OTOP3: variants seen among roughly 807,000 people sequenced by gnomAD.
The protein encoded by OTOP3 is proton channel OTOP3.
In OTOP3, 41 loss-of-function variants were observed where a neutral mutation model predicts 50.8. The ratio of observed to expected loss-of-function variants is 0.81; its 90% confidence interval spans 0.63 to 1.05. The LOEUF is 1.05. OTOP3 is among the 50% of genes least tolerant of loss of function. The probability of loss-of-function intolerance (pLI) is 0.00; values close to 1 mark genes in which losing one functional copy is unlikely to be tolerated. For missense variants in OTOP3, 788 were observed against 760.8 expected (o/e 1.04, Z -0.42); for synonymous variants, 320 against 324.4 (o/e 0.99, Z 0.14).
chr17:74,941,137 C>T (rs1372935232), intron 1 of OTOP3, among the ~76,000 whole-genome samples: 1 of 152,188 alleles, frequency 6.6e-6, no homozygotes, highest in Non-Finnish European at 1.5e-5. Context: ...AGAGGGAGGA[C>T]ATGATCCTCA....
intron 6 of OTOP3, 116 bp from the exon 7 acceptor site, chr17:74,949,130 A>T: frequency 9.8e-7 from 1 of 1,016,796 alleles, no homozygotes; most frequent in Non-Finnish European, 1.5e-6. Context: ...AAGAAGACTG[A>T]GCGGGAGGTG....
rs1476396908 is a variant in OTOP3, at chr17:74,949,477, C to A, written c.*61C>A. 6.4e-7 allele frequency: 1 copy of A among 1,572,682 alleles called. No homozygotes were observed. The highest frequency in any genetic ancestry group is 8.6e-7 in the Non-Finnish European group (1 of 1,156,174). On this transcript the variant is annotated 3_prime_UTR_variant, in exon 7 of 7. Transcript: ENST00000328801. ...GGTGGGGAAGATGGTAGCCCAGAGTCTCTGAGCAGATGCCTCATTCTGAGG... is the reference window on the plus strand; with the variant it reads ...GGTGGGGAAGATGGTAGCCCAGAGTATCTGAGCAGATGCCTCATTCTGAGG...
chr17:74,944,388 C>T (rs1398574533), intron 5 of OTOP3, among the ~76,000 whole-genome samples: 3 of 152,220 alleles, frequency 2.0e-5, no homozygotes, highest in South Asian at 2.1e-4. Flanking sequence ...ATTCTATATA[C>T]TCTGCTTGCA....
upstream of OTOP3, chr17:74,935,867 C>G (rs1170489623): frequency 2.7e-5 from 41 of 1,544,126 alleles, no homozygotes; most frequent in Non-Finnish European, 3.2e-5. Context: ...GGGCATCGGT[C>G]TCACCTGGAC....
rs1387606554 is a variant in OTOP3, at chr17:74,948,269, A to G, written c.1566+794A>G. Among the ~76,000 whole-genome samples, 3 of 152,308 alleles carry G rather than the reference A, an allele frequency of 2.0e-5. No individual in the cohort carries two copies. The East Asian group carries it at 5.8e-4, about 29-fold the overall frequency. ...CAGGGCACAGTGGCTCACACCTGTA[A>G]TCCCAGCACTTTGGGAGGCCGAGGG... On this transcript the variant is annotated intron_variant, in intron 6 of 6. Coordinates refer to ENST00000328801, the MANE Select transcript of OTOP3 (RefSeq NM_001272005.2).
Position 74,941,994 on chromosome 17 carries a change from A to C in OTOP3, c.530A>C (p.Asp177Ala). 1 of 1,613,590 alleles carries C rather than the reference A, an allele frequency of 6.2e-7. No individual in the cohort carries two copies. Among genetic ancestry groups the C allele is most frequent in the Non-Finnish European group, 8.5e-7 (1 of 1,179,778 alleles). ...CACATCCGCTGCAAGTCACAGCTGG[A>C]CCTTGTCTTCTCTGTCATCGAGATG... Reference protein sequence around the residue: ...VSHIRCKSQLDLVFSVIEMVF... With the variant: ...VSHIRCKSQLALVFSVIEMVF... Residue 177 changes from aspartate to alanine, a missense_variant, in exon 3 of 7, where the codon GAC (aspartate) becomes GCC (alanine). Asp to Ala is a moderately radical substitution (Grantham distance 126, BLOSUM62 -2). Transcript: ENST00000328801.
rs2039266213 is a variant in OTOP3, at chr17:74,949,771, G to A, written c.*355G>A. 4 of 198,078 alleles carry A rather than the reference G, an allele frequency of 2.0e-5. No homozygotes were observed. The highest frequency in any genetic ancestry group is 5.9e-5 in the Admixed American group (1 of 16,906). The allele number at this position is 198,078 out of a possible 1,614,324, so 12.3% of individuals were successfully genotyped here. On this transcript the variant is annotated 3_prime_UTR_variant, in exon 7 of 7. Transcript: ENST00000328801. ...TGACCGAGTCTGGGGAGCTTGGCGA[G>A]GGGCACCCCTCTCCAGCCAGGACTC... is the stretch of plus-strand genomic sequence containing the variant.
chr17:74,940,134 TAC>T (rs1488460974), intron 1 of OTOP3, among the ~76,000 whole-genome samples: 8 of 105,936 alleles, frequency 7.6e-5, no homozygotes, highest in Admixed American at 6.7e-4. Context: ...CACACACACA[TAC>T]ATATATACAT....
chr17:74,945,639 A>G (rs1178661563), intron 5 of OTOP3, among the ~76,000 whole-genome samples: 9 of 152,224 alleles, frequency 5.9e-5, no homozygotes, highest in African/African-American at 1.4e-4. Context: ...ATGGCAAGGT[A>G]CTAATGACTG....
intron 5 of OTOP3, among the ~76,000 whole-genome samples, chr17:74,944,272 C>T (rs977607517): frequency 2.0e-5 from 3 of 152,180 alleles, no homozygotes; most frequent in East Asian, 1.9e-4. Context: ...TGCCCCACCC[C>T]GCCCCGGGTG....
intron 3 of OTOP3, among the ~76,000 whole-genome samples, chr17:74,942,644 A>G (rs1230863310): frequency 7.0e-6 from 1 of 142,282 alleles, no homozygotes; most frequent in East Asian, 2.1e-4. Context: ...AAAAAAGAAT[A>G]CAATCGGCCA....
chr17:74,949,961 G>A lies in OTOP3; in HGVS notation c.*545G>A, dbSNP rs2039268625. On this transcript the variant is annotated 3_prime_UTR_variant, in exon 7 of 7. Transcript: ENST00000328801. ...AGGCAGGGTTCAACAGCTCTCTCCT[G>A]CCGCATAAACCCTATTTGTTTAATG... 6.5e-6 allele frequency: 1 copy of A among 152,954 alleles called. No individual in the cohort carries two copies. The highest frequency in any genetic ancestry group is 2.4e-5 in the African/African-American group (1 of 41,584). The allele number at this position is 152,954 out of a possible 1,614,324, so 9.5% of individuals were successfully genotyped here. A position where few individuals can be genotyped will look rare whatever the true frequency, so the allele number is the denominator to read the frequency against.
intron 5 of OTOP3, among the ~76,000 whole-genome samples, chr17:74,945,060 A>AC (rs2039212774): frequency 6.6e-6 from 1 of 151,956 alleles, no homozygotes; most frequent in Admixed American, 6.6e-5. Flanking sequence ...CGATCCTCCC[A>AC]CCTCAGCCTC....
intron 1 of OTOP3, among the ~76,000 whole-genome samples, chr17:74,941,012 G>T (rs1010975758): frequency 6.6e-6 from 1 of 152,136 alleles, no homozygotes; most frequent in African/African-American, 2.4e-5. Flanking sequence ...AGTCCTACCA[G>T]AAGGCGGAAG....
In OTOP3 at chr17:74,944,573, A is replaced by G. The variant is rs61388490; in HGVS notation, c.751+849A>G. 8.1e-3 allele frequency among the ~76,000 whole-genome samples: 1,229 copies of G among 152,324 alleles called. 19 individuals carry two copies. Among genetic ancestry groups the G allele is most frequent in the African/African-American group, 0.027 (1,135 of 41,564 alleles). ...GGAGTTTGAAACCAGCCTAGCGAAC[A>G]TGGCGAAACCCCGTCTCTACTAAAA... On this transcript the variant is annotated intron_variant, in intron 5 of 6. Transcript: ENST00000328801.
intron 1 of OTOP3, among the ~76,000 whole-genome samples, chr17:74,940,426 T>C (rs1288442986): frequency 2.0e-5 from 3 of 152,116 alleles, no homozygotes; most frequent in Non-Finnish European, 2.9e-5. Flanking sequence ...AAACTCCTAT[T>C]GTGAAACTGA....
At chr17:74,941,312 G>T in intron 1 of OTOP3, 81 bp from the exon 2 acceptor site, 2 of 1,399,590 alleles carry the variant, frequency 1.4e-6, no homozygotes, top group East Asian at 2.6e-5. Flanking sequence ...CTGACCCTGG[G>T]TCACACAGCG....
At chr17:74,948,516 C>T (rs1244241453) in intron 6 of OTOP3, among the ~76,000 whole-genome samples, 6 of 152,116 alleles carry the variant, frequency 3.9e-5, no homozygotes, top group Non-Finnish European at 7.3e-5. Flanking sequence ...AAAAATTAGC[C>T]AGGCATGGTG....
At position 74,947,025 on chromosome 17, in the gene OTOP3, C is replaced by A; in HGVS notation, c.1116C>A (p.Cys372Ter). The A allele has an allele frequency of 6.2e-7, 1 of 1,613,958 alleles. No individual in the cohort carries two copies. The highest frequency in any genetic ancestry group is 8.5e-7 in the Non-Finnish European group (1 of 1,180,044). Residue 372 changes from cysteine to a stop codon, truncating the protein, a stop_gained, in exon 6 of 7, where the codon TGC (cysteine) becomes TGA (stop). Transcript: ENST00000328801. LOFTEE classifies it high-confidence loss of function. ...TGCTGCCCACCATGAGTCTGGCGTG[C>A]CTGGCGGGCACAGCCATACACGGGC... Reference protein sequence around the residue: ...VAVLPTMSLACLAGTAIHGLE... With the variant: ...VAVLPTMSLA
Sources: allele counts gnomAD v4.1 joint callset (sites outside exome capture counted in the v4.1 genomes callset), GRCh38; gene constraint gnomAD v4.1.1; transcripts MANE v1.5; gene names NCBI Gene and HGNC (gene_info 2026-07-23, HGNC 2026-07-21).